Variants in PDE4D observed in about 807,000 individuals in gnomAD.
PDE4D encodes the protein 3',5'-cyclic-AMP phosphodiesterase 4D.
PDE4D carries 24 observed loss-of-function variants against 87.4 expected under a neutral mutation model. That is an observed-to-expected ratio of 0.27 (90% CI 0.20 to 0.39). PDE4D has a LOEUF of 0.39. Among genes scored for constraint, PDE4D ranks in the 10% least tolerant of loss-of-function variants. The probability of loss-of-function intolerance (pLI) is 1.00; values close to 1 mark genes in which losing one functional copy is unlikely to be tolerated. For synonymous variants in PDE4D, 384 were observed against 383.2 expected (o/e 1.00, Z -0.02); for missense variants, 714 against 1,041.0 (o/e 0.69, Z 4.32).
At chr5:60,358,090 G>A (rs1759765386) in intron 1 of PDE4D, among the ~76,000 whole-genome samples, 1 of 152,190 alleles carries the variant, frequency 6.6e-6, no homozygotes, top group Non-Finnish European at 1.5e-5. Flanking sequence ...ATAAGTGATA[G>A]AAAAGGAAGG....
intron 1 of PDE4D, among the ~76,000 whole-genome samples, chr5:59,466,778 A>C: frequency 6.6e-6 from 1 of 152,204 alleles, no homozygotes; most frequent in East Asian, 1.9e-4. Context: ...TCCTTGATGA[A>C]CTTGTTAGGG....
At chr5:59,484,926 A>G (rs940563833) in intron 1 of PDE4D, among the ~76,000 whole-genome samples, 17 of 152,154 alleles carry the variant, frequency 1.1e-4, no homozygotes, top group Admixed American at 7.2e-4. Context: ...AGTAATATCC[A>G]CCATGATGCA....
intron 1 of PDE4D, among the ~76,000 whole-genome samples, chr5:60,312,250 T>A (rs970754973): frequency 1.3e-5 from 2 of 152,202 alleles, no homozygotes; most frequent in Non-Finnish European, 2.9e-5. Context: ...TATACATTAT[T>A]CTCATCTGCA....
intron 1 of PDE4D, among the ~76,000 whole-genome samples, chr5:60,330,554 C>T (rs1323880884): frequency 6.6e-6 from 1 of 152,158 alleles, no homozygotes; most frequent in Non-Finnish European, 1.5e-5. Flanking sequence ...CAGGAGCCAG[C>T]ATGGGTGGCC....
At chr5:60,134,971 A>C (rs1401106195) in intron 2 of PDE4D, among the ~76,000 whole-genome samples, 1 of 152,162 alleles carries the variant, frequency 6.6e-6, no homozygotes, top group East Asian at 1.9e-4. Flanking sequence ...TCTGCTCTGA[A>C]GTAAGCTCAC....
At chr5:59,901,549 G>A (rs942783562) in intron 3 of PDE4D, among the ~76,000 whole-genome samples, 1 of 151,850 alleles carries the variant, frequency 6.6e-6, no homozygotes, top group East Asian at 1.9e-4. Context: ...AACTCTCAAA[G>A]GACTATTTCA....
At chr5:60,100,944 G>C (rs532517078) in intron 2 of PDE4D, among the ~76,000 whole-genome samples, 9 of 152,168 alleles carry the variant, frequency 5.9e-5, no homozygotes, top group African/African-American at 1.9e-4. Context: ...TTTTGCAAAA[G>C]GTAATTGGAA....
intron 1 of PDE4D, among the ~76,000 whole-genome samples, chr5:59,756,509 T>TACATACACACACAC (rs1761237084): frequency 6.9e-6 from 1 of 144,926 alleles, no homozygotes; most frequent in African/African-American, 2.6e-5. Context: ...ACCCAAAACA[T>TACATACACACACAC]ACACACACAC....
chr5:60,319,299 G>A (rs1187736791), intron 1 of PDE4D, among the ~76,000 whole-genome samples: 1 of 152,106 alleles, frequency 6.6e-6, no homozygotes, highest in African/African-American at 2.4e-5. Flanking sequence ...CTTGTGCATT[G>A]GTCACGTAGT....
intron 1 of PDE4D, among the ~76,000 whole-genome samples, chr5:59,520,743 T>C (rs998326716): frequency 1.3e-5 from 2 of 152,212 alleles, no homozygotes; most frequent in Non-Finnish European, 2.9e-5. Flanking sequence ...TACATAACTT[T>C]CATTCTGAAA....
intron 1 of PDE4D, among the ~76,000 whole-genome samples, chr5:59,302,969 C>T (rs1471567261): frequency 3.9e-5 from 6 of 152,196 alleles, no homozygotes; most frequent in African/African-American, 1.2e-4. Context: ...CACTGTTTCC[C>T]ATAATGGCTG....
intron 1 of PDE4D, among the ~76,000 whole-genome samples, chr5:59,811,416 G>A (rs113377482): frequency 1.7e-3 from 253 of 152,334 alleles, no homozygotes; most frequent in African/African-American, 5.7e-3. Flanking sequence ...CACTTTAGCT[G>A]TGTCCTCAGT....
intron 3 of PDE4D, among the ~76,000 whole-genome samples, 175 bp downstream of exon 3, chr5:59,193,325 A>C (rs1744734306): frequency 6.6e-6 from 1 of 152,236 alleles, no homozygotes; most frequent in South Asian, 2.1e-4. Flanking sequence ...AAACAGATTA[A>C]TATAGCCAAA....
intron 5 of PDE4D, among the ~76,000 whole-genome samples, chr5:59,162,141 A>G (rs1561599189): frequency 6.6e-6 from 1 of 152,244 alleles, no homozygotes; most frequent in Non-Finnish European, 1.5e-5. Context: ...TTAAAGGCCT[A>G]GGAAGCTGGG....
chr5:59,542,127 G>T (rs1008241142), intron 1 of PDE4D, among the ~76,000 whole-genome samples: 1 of 152,074 alleles, frequency 6.6e-6, no homozygotes, highest in African/African-American at 2.4e-5. Context: ...AGCCTCTAAG[G>T]TCAAGCTAGT....
chr5:59,366,768 TA>T (rs1783128341), intron 1 of PDE4D, among the ~76,000 whole-genome samples: 1 of 151,892 alleles, frequency 6.6e-6, no homozygotes, highest in Admixed American at 6.6e-5. Flanking sequence ...TACTTTTCTA[TA>T]AATGAAAAAA....
chr5:59,417,539 T>C (rs936205972), intron 1 of PDE4D, among the ~76,000 whole-genome samples: 2 of 142,394 alleles, frequency 1.4e-5, no homozygotes, highest in Non-Finnish European at 3.1e-5. Flanking sequence ...AGCTGTTACC[T>C]TTTTTTTTTT....
intron 1 of PDE4D, among the ~76,000 whole-genome samples, chr5:59,409,970 G>C (rs1466652706): frequency 6.6e-6 from 1 of 151,508 alleles, no homozygotes; most frequent in Admixed American, 6.6e-5. Context: ...TGAATTTATG[G>C]GTCACATGAA....
At chr5:60,010,235 T>C (rs965462827) in intron 2 of PDE4D, among the ~76,000 whole-genome samples, 17 of 152,154 alleles carry the variant, frequency 1.1e-4, no homozygotes, top group African/African-American at 4.1e-4. Context: ...TTTATATGTC[T>C]ACTCATTTGT....
Sources: allele counts gnomAD v4.1 joint callset (sites outside exome capture counted in the v4.1 genomes callset), GRCh38; gene constraint gnomAD v4.1.1; transcripts MANE v1.5; gene names NCBI Gene and HGNC (gene_info 2026-07-23, HGNC 2026-07-21).